Variants in GSK3B observed in about 807,000 individuals in gnomAD.
The protein encoded by GSK3B is glycogen synthase kinase 3 beta.
In GSK3B, 15 loss-of-function variants were observed where a neutral mutation model predicts 56.4. That is an observed-to-expected ratio of 0.27 (90% confidence interval 0.18 to 0.41). The LOEUF (loss-of-function observed/expected upper bound fraction) is 0.41, where lower values mean the gene tolerates loss of function less well. Ranked by LOEUF, GSK3B falls within the 10% of genes least tolerant of loss-of-function variation. The pLI, the probability that GSK3B is intolerant of heterozygous loss-of-function variation, is 1.00. For missense variants in GSK3B, 300 were observed against 513.4 expected, an observed-to-expected ratio of 0.58 and a Z score of 4.02; for synonymous variants, 181 against 188.9, an observed-to-expected ratio of 0.96 and a Z score of 0.34.
chr3:119,849,875 A>T (rs2055903623), intron 9 of GSK3B, among the ~76,000 whole-genome samples: 1 of 151,964 alleles, frequency 6.6e-6, no homozygotes, highest in Non-Finnish European at 1.5e-5. Flanking sequence ...GAGTACAATG[A>T]TGTGATCTTG....
In GSK3B at chr3:119,875,495, C is replaced by T. The variant is rs912804942; in HGVS notation, c.909+918G>A. Among the ~76,000 whole-genome samples, 17 of 130,282 alleles carry T rather than the reference C, an allele frequency of 1.3e-4. No individual in the cohort carries two copies. In the South Asian group the frequency reaches 3.0e-3, roughly 23 times the overall value. 85.5% of individuals were successfully genotyped at this position (130,282 alleles called of 152,430 possible). On this transcript the variant is annotated intron_variant, in intron 8 of 10. Transcript: ENST00000264235. ...ATTATAAAGTCGATCATTGGTAACC[C>T]GTGACACACACACACACACACACAC...
At chr3:120,006,413 C>T (rs527304611) in intron 1 of GSK3B, among the ~76,000 whole-genome samples, 2 of 152,296 alleles carry the variant, frequency 1.3e-5, no homozygotes, top group African/African-American at 4.8e-5. Flanking sequence ...ACCAAGCGGA[C>T]CTAATAGACA....
At chr3:120,086,195 GAA>G (rs554976616) in intron 1 of GSK3B, among the ~76,000 whole-genome samples, 1 of 134,976 alleles carries the variant, frequency 7.4e-6, no homozygotes, top group Non-Finnish European at 1.6e-5. Context: ...TACTAAGGAG[GAA>G]AAAAAAAAAA....
chr3:119,826,723 A>C lies in GSK3B; in HGVS notation c.*65T>G. 1.1e-6 allele frequency: 1 copy of C among 945,354 alleles called. No homozygotes were observed. Among genetic ancestry groups the C allele is most frequent in the Non-Finnish European group, 1.8e-6 (1 of 568,660 alleles). 58.6% of individuals were successfully genotyped at this position (945,354 alleles called of 1,614,324 possible). ...TTTAATATTCTTTCCAAACGTGACCAGTGTTGCTGAGTGACACTCAAGTAA... is the reference window on the plus strand; with the variant it reads ...TTTAATATTCTTTCCAAACGTGACCCGTGTTGCTGAGTGACACTCAAGTAA... On this transcript the variant is annotated 3_prime_UTR_variant, in exon 11 of 11. Coordinates refer to ENST00000264235, the MANE Select transcript of GSK3B (RefSeq NM_001146156.2).
chr3:119,866,443 C>G (rs776853505), intron 8 of GSK3B: 47 of 714,298 alleles, frequency 6.6e-5, no homozygotes, highest in Non-Finnish European at 1.0e-4. Context: ...CTATGCCATA[C>G]AGTGAATAAA....
At chr3:119,990,685 T>C (rs557696087) in intron 2 of GSK3B, among the ~76,000 whole-genome samples, 6 of 152,148 alleles carry the variant, frequency 3.9e-5, no homozygotes, top group Non-Finnish European at 7.4e-5. Flanking sequence ...TCCCAGCACT[T>C]TGGGAGACTG....
intron 1 of GSK3B, among the ~76,000 whole-genome samples, chr3:120,032,223 C>A (rs2057982263): frequency 6.6e-6 from 1 of 152,016 alleles, no homozygotes; most frequent in Admixed American, 6.6e-5. Context: ...ATGCCCGTAA[C>A]CCCAACACTT....
At chr3:119,941,014 ATTT>A (rs201037934) in intron 3 of GSK3B, among the ~76,000 whole-genome samples, 15 of 138,874 alleles carry the variant, frequency 1.1e-4, no homozygotes, top group African/African-American at 1.9e-4. Flanking sequence ...ATTACTACTA[ATTT>A]TTTTTTTTTT....
chr3:119,960,713 C>T (rs779164560), intron 2 of GSK3B, among the ~76,000 whole-genome samples: 1 of 152,192 alleles, frequency 6.6e-6, no homozygotes, highest in Non-Finnish European at 1.5e-5. Flanking sequence ...GCAACCTCAA[C>T]ATTTACTCTC....
intron 1 of GSK3B, among the ~76,000 whole-genome samples, chr3:120,072,684 AT>A (rs2058336459): frequency 6.6e-6 from 1 of 152,242 alleles, no homozygotes; most frequent in Non-Finnish European, 1.5e-5. Flanking sequence ...TATATTTAAG[AT>A]TCAAAGTTTT....
intron 1 of GSK3B, among the ~76,000 whole-genome samples, chr3:120,064,176 TAA>T (rs1379193614): frequency 6.6e-6 from 1 of 151,452 alleles, no homozygotes; most frequent in Non-Finnish European, 1.5e-5. Context: ...ATTTCCAGCA[TAA>T]GAGAAAAAAA....
rs2055479423 is a variant in GSK3B at position 119,824,978 on chromosome 3, C to G, written c.*1810G>C. On this transcript the variant is annotated 3_prime_UTR_variant, in exon 11 of 11. Transcript: ENST00000264235. ...CTTCCGAACCCTCTGGAGGACGAGA[C>G]CCATAAAGTGACCTAAGGTGGCAAT... 5.5e-6 allele frequency: 1 copy of G among 183,474 alleles called. No homozygotes were observed. Among genetic ancestry groups the G allele is most frequent in the South Asian group, 2.0e-4 (1 of 5,088 alleles). 11.4% of individuals were successfully genotyped at this position (183,474 alleles called of 1,614,324 possible).
intron 1 of GSK3B, among the ~76,000 whole-genome samples, chr3:120,057,926 T>C (rs535857529): frequency 1.3e-5 from 2 of 152,124 alleles, no homozygotes; most frequent in African/African-American, 4.8e-5. Context: ...TTATGTTAAA[T>C]ACCACCTGTA....
intron 1 of GSK3B, among the ~76,000 whole-genome samples, chr3:120,006,555 A>C (rs549936701): frequency 6.6e-6 from 1 of 152,336 alleles, no homozygotes; most frequent in East Asian, 1.9e-4. Context: ...AGAAATCACA[A>C]CAAACTGTCT....
chr3:119,856,207 A>T (rs1385405688), intron 9 of GSK3B, among the ~76,000 whole-genome samples: 1 of 152,230 alleles, frequency 6.6e-6, no homozygotes. Flanking sequence ...AAACTCAGGT[A>T]GGGATAGTGT....
intron 1 of GSK3B, among the ~76,000 whole-genome samples, chr3:120,085,540 C>T (rs2058456459): frequency 6.6e-6 from 1 of 152,232 alleles, no homozygotes; most frequent in Non-Finnish European, 1.5e-5. Context: ...AAAATATTAA[C>T]TGATTTTGCT....
chr3:119,876,160 T>G (rs998188978), intron 8 of GSK3B, among the ~76,000 whole-genome samples: 2 of 152,182 alleles, frequency 1.3e-5, no homozygotes, highest in Non-Finnish European at 1.5e-5. Flanking sequence ...AATCAAATTC[T>G]GTACTTTAAT....
chr3:119,858,369 G>A (rs922274073), intron 9 of GSK3B, among the ~76,000 whole-genome samples: 1 of 152,200 alleles, frequency 6.6e-6, no homozygotes, highest in African/African-American at 2.4e-5. Flanking sequence ...GAGGTCTTCT[G>A]GATAATTTGC....
At chr3:120,086,914 T>C (rs1217264826) in intron 1 of GSK3B, among the ~76,000 whole-genome samples, 1 of 152,222 alleles carries the variant, frequency 6.6e-6, no homozygotes. Flanking sequence ...CCCAATATGC[T>C]TGTTTCCCCT....
Sources: gnomAD v4.1 joint callset for allele counts (sites outside exome capture counted in the v4.1 genomes callset) on GRCh38, gnomAD v4.1.1 for gene constraint, MANE v1.5 for transcripts, NCBI Gene and HGNC (gene_info 2026-07-23, HGNC 2026-07-21) for gene names.